Variants in TAOK3 observed in about 807,000 individuals in gnomAD.
The protein encoded by TAOK3 is serine/threonine-protein kinase TAO3.
TAOK3 carries 40 observed loss-of-function variants against 120.4 expected under a neutral mutation model. The observed-to-expected ratio is 0.33, with a 90% CI of 0.26 to 0.43. The LOEUF (loss-of-function observed/expected upper bound fraction) is 0.43. Among genes scored for constraint, TAOK3 ranks in the 20% least tolerant of loss-of-function variants. The pLI is 1.00. For synonymous variants in TAOK3, 355 were observed against 387.5 expected, an observed-to-expected ratio of 0.92 and a Z score of 0.99; for missense variants, 821 against 1,112.1, an observed-to-expected ratio of 0.74 and a Z score of 3.72.
At chr12:118,283,215 T>A (rs1046684918) in intron 1 of TAOK3, among the ~76,000 whole-genome samples, 2 of 152,234 alleles carry the variant, frequency 1.3e-5, no homozygotes, top group Admixed American at 1.3e-4. Context: ...ATACCTGCTA[T>A]ACTTAAGATA....
At chr12:118,341,841 T>C (rs866197801) in intron 1 of TAOK3, among the ~76,000 whole-genome samples, 7 of 152,096 alleles carry the variant, frequency 4.6e-5, no homozygotes, top group South Asian at 2.1e-4. Context: ...CTGGGCAATA[T>C]AGTGAAATCT....
chr12:118,174,444 C>T (rs1362439543), intron 16 of TAOK3, among the ~76,000 whole-genome samples: 1 of 149,860 alleles, frequency 6.7e-6, no homozygotes, highest in African/African-American at 2.5e-5. Context: ...GCACTCAAGT[C>T]TGAGTATGGT....
intron 19 of TAOK3, among the ~76,000 whole-genome samples, chr12:118,153,878 T>C (rs1187533971): frequency 6.6e-6 from 1 of 152,228 alleles, no homozygotes; most frequent in African/African-American, 2.4e-5. Context: ...TGGAGAAACA[T>C]ACTATAGAGA....
At chr12:118,260,371 A>G (rs1023464018) in intron 2 of TAOK3, among the ~76,000 whole-genome samples, 3 of 152,206 alleles carry the variant, frequency 2.0e-5, no homozygotes, top group Non-Finnish European at 2.9e-5. Context: ...AACAAAGTCC[A>G]AGAATACTTG....
intron 17 of TAOK3, among the ~76,000 whole-genome samples, chr12:118,162,230 A>G (rs1182580603): frequency 2.0e-5 from 3 of 152,194 alleles, no homozygotes; most frequent in African/African-American, 7.2e-5. Flanking sequence ...ACCACTTACA[A>G]AATGGGCAAC....
In TAOK3 at chr12:118,263,316, A is replaced by C. The variant is rs973795179; in HGVS notation, c.-89+3339T>G. ...GCAAGAAAACAGATATTTGGTCCATACTAACAACCTGTGTAAAAACTGACT... is the reference window on the plus strand; with the variant it reads ...GCAAGAAAACAGATATTTGGTCCATCCTAACAACCTGTGTAAAAACTGACT... On this transcript the variant is annotated intron_variant, in intron 2 of 20. Transcript: ENST00000392533. Among the ~76,000 whole-genome samples, 3 of 152,220 alleles carry C rather than the reference A, an allele frequency of 2.0e-5. No homozygotes were observed. In the East Asian group the frequency reaches 5.8e-4, roughly 29 times the overall value.
intron 15 of TAOK3, among the ~76,000 whole-genome samples, chr12:118,178,586 T>G (rs1472705075): frequency 6.6e-6 from 1 of 152,162 alleles, no homozygotes; most frequent in East Asian, 1.9e-4. Flanking sequence ...GCCTCCCCAG[T>G]AGCTGGGATT....
chr12:118,328,885 T>C (rs1248575649), intron 1 of TAOK3, among the ~76,000 whole-genome samples: 2 of 152,358 alleles, frequency 1.3e-5, no homozygotes, highest in East Asian at 3.9e-4. Context: ...GTAACTATTT[T>C]GCCTGTAATT....
intron 17 of TAOK3, among the ~76,000 whole-genome samples, chr12:118,164,611 T>A (rs1461218833): frequency 6.6e-6 from 1 of 151,930 alleles, no homozygotes; most frequent in Non-Finnish European, 1.5e-5. Context: ...ATAGATGGGG[T>A]TTCACCATGT....
chr12:118,225,781 G>A (rs1197744032), intron 9 of TAOK3, among the ~76,000 whole-genome samples: 2 of 152,188 alleles, frequency 1.3e-5, no homozygotes, highest in Non-Finnish European at 2.9e-5. Context: ...TATTTAAGGT[G>A]TACAATGTGA....
At chr12:118,318,927 T>C (rs2043586103) in intron 1 of TAOK3, among the ~76,000 whole-genome samples, 1 of 152,082 alleles carries the variant, frequency 6.6e-6, no homozygotes, top group Admixed American at 6.5e-5. Flanking sequence ...TGCAACAACA[T>C]GGATGAACAT....
chr12:118,235,675 T>C lies in TAOK3; in HGVS notation c.438-4A>G, dbSNP rs1432304552. ...AATATTTCCTGCTTTAATATCCCTA[T>C]AGGAAAAAAAAAAAGGGTTAGAAAA... is the stretch of plus-strand genomic sequence containing the variant. On this transcript the variant is annotated splice_polypyrimidine_tract_variant and splice_region_variant and intron_variant, in intron 7 of 20. Coordinates refer to ENST00000392533, the MANE Select transcript of TAOK3 (RefSeq NM_016281.4). 2 of 1,521,556 alleles carry C rather than the reference T, an allele frequency of 1.3e-6. No homozygotes were observed. Among genetic ancestry groups the C allele is most frequent in the Non-Finnish European group, 1.8e-6 (2 of 1,125,212 alleles). The allele number at this position is 1,521,556 out of a possible 1,614,324, so 94.3% of individuals were successfully genotyped here.
chr12:118,155,887 C>T (rs894826506), intron 19 of TAOK3, among the ~76,000 whole-genome samples: 1 of 152,146 alleles, frequency 6.6e-6, no homozygotes, highest in African/African-American at 2.4e-5. Context: ...CAGGCATGTG[C>T]CACCATGCCT....
At chr12:118,330,906 T>C (rs532431241) in intron 1 of TAOK3, among the ~76,000 whole-genome samples, 1 of 152,254 alleles carries the variant, frequency 6.6e-6, no homozygotes, top group Non-Finnish European at 1.5e-5. Context: ...TGTGTGAAAA[T>C]GTGGGACATC....
At chr12:118,260,890 A>T (rs2041199859) in intron 2 of TAOK3, among the ~76,000 whole-genome samples, 1 of 152,200 alleles carries the variant, frequency 6.6e-6, no homozygotes, top group Admixed American at 6.5e-5. Flanking sequence ...CATGTTGGCC[A>T]GGCTGGTCTC....
chr12:118,326,648 G>T (rs898261651), intron 1 of TAOK3, among the ~76,000 whole-genome samples: 2 of 152,048 alleles, frequency 1.3e-5, no homozygotes, highest in Admixed American at 6.6e-5. Flanking sequence ...TGTAATCATG[G>T]ATATAATTCT....
intron 1 of TAOK3, chr12:118,359,459 G>C (rs1399196103): frequency 6.6e-6 from 1 of 152,142 alleles, no homozygotes; most frequent in African/African-American, 2.4e-5. Flanking sequence ...ACTAGAGTAA[G>C]GTTTCAAGGA....
At chr12:118,275,329 CT>C (rs2041867418) in intron 1 of TAOK3, among the ~76,000 whole-genome samples, 1 of 151,790 alleles carries the variant, frequency 6.6e-6, no homozygotes. Flanking sequence ...GAGATAGGGT[CT>C]TGCTATGTTG....
chr12:118,329,232 T>C (rs2044050446), intron 1 of TAOK3, among the ~76,000 whole-genome samples: 2 of 152,202 alleles, frequency 1.3e-5, no homozygotes, highest in African/African-American at 4.8e-5. Flanking sequence ...AAACTCGCTT[T>C]AAACTCTACA....
Sources: allele counts gnomAD v4.1 joint callset (sites outside exome capture counted in the v4.1 genomes callset), GRCh38; gene constraint gnomAD v4.1.1; transcripts MANE v1.5; gene names NCBI Gene and HGNC (gene_info 2026-07-23, HGNC 2026-07-21).